The following ASPRV1 variants were observed in gnomAD, a reference collection of about 807,000 sequenced individuals.
The protein encoded by ASPRV1 is aspartic peptidase retroviral like 1.
A neutral mutation model predicts 11.0 loss-of-function variants in ASPRV1; 7 were observed. The ratio of observed to expected loss-of-function variants is 0.64; its 90% CI spans 0.36 to 1.20. The LOEUF is 1.20. Ranked by LOEUF, ASPRV1 falls within the 50% of genes most tolerant of loss-of-function variation. ASPRV1 has a pLI of 0.02. For missense variants in ASPRV1, 299 were observed against 320.0 expected, an observed-to-expected ratio of 0.93 and a Z score of 0.50; for synonymous variants, 136 against 138.4, an observed-to-expected ratio of 0.98 and a Z score of 0.12.
At chr2:70,085,107 T>C in the ASPRV1 span, among the ~76,000 whole-genome samples, 1 of 152,086 alleles carries the variant, frequency 6.6e-6, no homozygotes, top group African/African-American at 2.4e-5. Flanking sequence ...TGCAGAGAAA[T>C]GGAGGCTTGG....
the ASPRV1 span, among the ~76,000 whole-genome samples, chr2:70,082,575 C>T: frequency 2.6e-5 from 4 of 151,728 alleles, no homozygotes; most frequent in Non-Finnish European, 5.9e-5. Context: ...CCGGGTGTGG[C>T]GGCACATGCC....
chr2:69,999,555 CTAAGGCAGGA>C, the ASPRV1 span, among the ~76,000 whole-genome samples: 1 of 147,962 alleles, frequency 6.8e-6, no homozygotes, highest in Non-Finnish European at 1.5e-5. Context: ...ACTCGGCAGG[CTAAGGCAGGA>C]TAATCACTTG....
the ASPRV1 span, chr2:70,086,607 T>C: frequency 6.6e-6 from 1 of 152,100 alleles, no homozygotes; most frequent in Non-Finnish European, 1.5e-5. Flanking sequence ...CGCAGAAACG[T>C]CCTGAAGCCC....
At chr2:69,957,005 C>T (rs151035306), downstream of ASPRV1, among the ~76,000 whole-genome samples, 489 of 152,202 alleles carry the variant, frequency 3.2e-3, 1 homozygote, top group African/African-American at 0.011. Context: ...GAAAGAGACA[C>T]GGCAACTAAA....
At chr2:70,080,233 T>G in the ASPRV1 span, among the ~76,000 whole-genome samples, 1 of 92,012 alleles carries the variant, frequency 1.1e-5, no homozygotes, top group East Asian at 4.1e-4. Context: ...GCCCCTTCTG[T>G]TTTTTTTTTT....
chr2:70,031,028 C>T, the ASPRV1 span: 1 of 152,130 alleles, frequency 6.6e-6, no homozygotes, highest in South Asian at 2.1e-4. Context: ...AGGTACAGGG[C>T]ACTAGGAGCA....
the ASPRV1 span, chr2:69,998,143 A>AT: frequency 4.6e-5 from 7 of 151,908 alleles, no homozygotes; most frequent in African/African-American, 1.7e-4. Context: ...TTCTAGAAAA[A>AT]AAAAAAAAGC....
chr2:69,961,555 T>G lies in ASPRV1; in HGVS notation c.-119A>C, dbSNP rs758975433. On this transcript the variant is annotated 5_prime_UTR_variant, in exon 1 of 1. Coordinates refer to ENST00000320256, the MANE Select transcript of ASPRV1 (RefSeq NM_152792.4). ...CTCTCGAAGCAGAGTGGGGATGACT[T>G]GCCCGGCCTTGGGCAAGCAGGAGGG... The G allele has an allele frequency of 1.9e-6, 3 of 1,613,948 alleles. No individual in the cohort carries two copies. In the African/African-American group the frequency reaches 4.0e-5, roughly 22 times the overall value.
At chr2:70,076,308 A>C in the ASPRV1 span, among the ~76,000 whole-genome samples, 3 of 152,232 alleles carry the variant, frequency 2.0e-5, no homozygotes, top group African/African-American at 7.2e-5. Flanking sequence ...GGTGCAAACT[A>C]ATTCCGTCAT....
At chr2:70,038,974 G>A in the ASPRV1 span, among the ~76,000 whole-genome samples, 398 of 152,046 alleles carry the variant, frequency 2.6e-3, 3 homozygotes, top group Non-Finnish European at 3.3e-3. Context: ...AGCTACTTGG[G>A]AGGCTGAGGT....
At chr2:70,059,254 TTC>T in the ASPRV1 span, among the ~76,000 whole-genome samples, 1 of 148,934 alleles carries the variant, frequency 6.7e-6, no homozygotes, top group African/African-American at 2.6e-5. Context: ...CTGATTGGTT[TTC>T]TTTTTTTTTT....
the ASPRV1 span, among the ~76,000 whole-genome samples, chr2:70,002,604 A>G: frequency 6.6e-6 from 1 of 152,328 alleles, no homozygotes; most frequent in African/African-American, 2.4e-5. Flanking sequence ...GCTTGTTTAA[A>G]GCATAGGTTA....
chr2:69,992,123 TTC>T, the ASPRV1 span, among the ~76,000 whole-genome samples: 1 of 152,202 alleles, frequency 6.6e-6, no homozygotes, highest in African/African-American at 2.4e-5. Flanking sequence ...GGGGCTTCAT[TTC>T]ACTCTTAATG....
the ASPRV1 span, among the ~76,000 whole-genome samples, chr2:70,065,485 T>C: frequency 6.7e-6 from 1 of 149,882 alleles, no homozygotes; most frequent in Non-Finnish European, 1.5e-5. Flanking sequence ...AAAATTATAA[T>C]ATATTGATAA....
At chr2:69,959,532 C>T (rs575658666), downstream of ASPRV1, among the ~76,000 whole-genome samples, 14 of 152,230 alleles carry the variant, frequency 9.2e-5, no homozygotes, top group South Asian at 2.7e-3. Context: ...TCCTCCCCTC[C>T]ATCAGGTCAT....
the ASPRV1 span, among the ~76,000 whole-genome samples, chr2:70,074,633 T>A: frequency 6.6e-6 from 1 of 151,842 alleles, no homozygotes; most frequent in East Asian, 1.9e-4. Context: ...AAGTCCTAAA[T>A]ATGGCAAGTT....
the ASPRV1 span, among the ~76,000 whole-genome samples, chr2:70,025,857 G>A: frequency 1.3e-5 from 2 of 152,288 alleles, no homozygotes; most frequent in South Asian, 4.1e-4. Context: ...ATGCATTAAT[G>A]GACACAATGG....
chr2:69,974,124 C>T, the ASPRV1 span, among the ~76,000 whole-genome samples: 9 of 152,068 alleles, frequency 5.9e-5, no homozygotes, highest in East Asian at 3.9e-4. Context: ...GATCACCTGA[C>T]GTCAGGAGTT....
chr2:70,058,648 G>A, the ASPRV1 span, among the ~76,000 whole-genome samples: 1 of 151,260 alleles, frequency 6.6e-6, no homozygotes, highest in Admixed American at 6.6e-5. Context: ...CACCTCCCAG[G>A]TTCAGGCGAT....
Sources: gnomAD v4.1 joint callset for allele counts (sites outside exome capture counted in the v4.1 genomes callset) on GRCh38, gnomAD v4.1.1 for gene constraint, MANE v1.5 for transcripts, NCBI Gene and HGNC (gene_info 2026-07-23, HGNC 2026-07-21) for gene names.